The following ZFHX3 variants were observed in gnomAD, a reference collection of about 807,000 sequenced individuals.
ZFHX3 encodes zinc finger homeobox 3.
ZFHX3 carries 42 observed loss-of-function variants against 279.1 expected under a neutral mutation model. The observed-to-expected ratio is 0.15, with a 90% confidence interval of 0.12 to 0.19. ZFHX3 has a LOEUF of 0.19. Among genes scored for constraint, ZFHX3 ranks in the 10% least tolerant of loss-of-function variants. The pLI is 1.00. For synonymous variants in ZFHX3, 2,293 were observed against 1,957.8 expected, an observed-to-expected ratio of 1.17 and a Z score of -4.52; for missense variants, 4,981 against 4,754.0, an observed-to-expected ratio of 1.05 and a Z score of -1.40.
At position 73,022,055 on chromosome 16, in the gene ZFHX3, G is replaced by A. The variant is rs148278060; in HGVS notation, c.-50+25697C>T. Among the ~76,000 whole-genome samples, 837 of 152,058 alleles carry A rather than the reference G, an allele frequency of 5.5e-3. 5 individuals are homozygous for A. Among genetic ancestry groups the A allele is most frequent in the African/African-American group, 0.019 (803 of 41,466 alleles). On this transcript the variant is annotated intron_variant, in intron 1 of 9. Transcript: ENST00000268489. ...CAACTACTGCTCACCCCCTGCCCTCGTCCCGCCTCCTCTCCACAGCATTTA... is the reference window on the plus strand; with the variant it reads ...CAACTACTGCTCACCCCCTGCCCTCATCCCGCCTCCTCTCCACAGCATTTA...
intron 1 of ZFHX3, among the ~76,000 whole-genome samples, chr16:72,967,580 T>C (rs895637605): frequency 6.6e-6 from 1 of 151,988 alleles, no homozygotes; most frequent in African/African-American, 2.4e-5. Flanking sequence ...TTCATCATCA[T>C]CCACTCAGGG....
intron 5 of ZFHX3, among the ~76,000 whole-genome samples, chr16:73,205,644 G>A (rs1039161518): frequency 1.3e-5 from 2 of 152,206 alleles, no homozygotes; most frequent in Non-Finnish European, 2.9e-5. Flanking sequence ...CTGTGAGTGT[G>A]TGTGTGTGCG....
chr16:73,791,857 G>A (rs912635390), intron 1 of ZFHX3, among the ~76,000 whole-genome samples: 2 of 152,174 alleles, frequency 1.3e-5, no homozygotes, highest in Admixed American at 6.5e-5. Flanking sequence ...ATGCTAAATG[G>A]CATAGTATTC....
intron 2 of ZFHX3, chr16:73,499,876 A>T (rs973218627): frequency 1.3e-5 from 2 of 152,230 alleles, no homozygotes; most frequent in Non-Finnish European, 2.9e-5. Context: ...CAGTCACATC[A>T]TAGCTACCAA....
At chr16:73,388,657 A>T (rs2143390171) in intron 3 of ZFHX3, among the ~76,000 whole-genome samples, 1 of 152,244 alleles carries the variant, frequency 6.6e-6, no homozygotes, top group East Asian at 1.9e-4. Flanking sequence ...TCCTCCTGAG[A>T]GTCGAAGACT....
chr16:73,639,234 T>C (rs1334162093), intron 2 of ZFHX3, among the ~76,000 whole-genome samples: 1 of 152,228 alleles, frequency 6.6e-6, no homozygotes, highest in Non-Finnish European at 1.5e-5. Context: ...TTTGCTGCTG[T>C]GGTCCTGTCT....
chr16:72,927,461 G>A (rs766318440), intron 3 of ZFHX3, among the ~76,000 whole-genome samples: 1 of 152,184 alleles, frequency 6.6e-6, no homozygotes, highest in African/African-American at 2.4e-5. Flanking sequence ...TCTGGAATAA[G>A]TCAGTTCTTC....
chr16:72,787,277 C>A lies in ZFHX3; in HGVS notation c.10999G>T (p.Asp3667Tyr), dbSNP rs1290523740. The A allele has an allele frequency of 6.2e-7, 1 of 1,613,902 alleles. No individual in the cohort carries two copies. The highest frequency in any genetic ancestry group is 8.5e-7 in the Non-Finnish European group (1 of 1,180,020). Reference sequence around the variant, plus strand: ...GGTCCGTCGGACTTTTGGCTGAGATCCGTGTCAGACTCCTCCGAATAGTCG... The same window carrying A: ...GGTCCGTCGGACTTTTGGCTGAGATACGTGTCAGACTCCTCCGAATAGTCG... ...TDDYSEESDTDLSQKSDGPAS... is the reference protein window; with the variant it reads ...TDDYSEESDTYLSQKSDGPAS... Residue 3667 changes from aspartate to tyrosine, a missense_variant, in exon 10 of 10, where the codon GAT (aspartate) becomes TAT (tyrosine). Asp to Tyr is a radical substitution (Grantham distance 160). Transcript: ENST00000268489.
At chr16:73,724,148 CT>C (rs2053498795) in intron 1 of ZFHX3, among the ~76,000 whole-genome samples, 1 of 152,150 alleles carries the variant, frequency 6.6e-6, no homozygotes, top group South Asian at 2.1e-4. Flanking sequence ...AATGTCCTTT[CT>C]TTTATGAAAC....
chr16:73,376,814 T>C (rs1250337143), intron 3 of ZFHX3, among the ~76,000 whole-genome samples: 1 of 152,180 alleles, frequency 6.6e-6, no homozygotes, highest in Admixed American at 6.5e-5. Flanking sequence ...TCTGTCTTGA[T>C]AATTATAAAA....
rs187753085 is a variant in ZFHX3 at position 73,518,040 on chromosome 16, A to T, written c.-1546-61782T>A. Among the ~76,000 whole-genome samples, 423 of 152,326 alleles carry T rather than the reference A, an allele frequency of 2.8e-3. 3 individuals carry two copies. Among genetic ancestry groups the T allele is most frequent in the African/African-American group, 9.7e-3 (402 of 41,576 alleles). ...TAATCAACGTAAACAAATTATTGAG[A>T]TGCTAACTTTCTTTGGTGCTAAGTT... is the stretch of plus-strand genomic sequence containing the variant. On this transcript the variant is annotated intron_variant, in intron 2 of 17. Transcript: ENST00000641206.
At chr16:73,803,083 G>A in intron 1 of ZFHX3, among the ~76,000 whole-genome samples, 1 of 152,206 alleles carries the variant, frequency 6.6e-6, no homozygotes, top group African/African-American at 2.4e-5. Flanking sequence ...TTACAGGCAT[G>A]AGCCACCGTA....
At chr16:73,419,726 G>A (rs971942003) in intron 3 of ZFHX3, among the ~76,000 whole-genome samples, 1 of 151,880 alleles carries the variant, frequency 6.6e-6, no homozygotes, top group Non-Finnish European at 1.5e-5. Flanking sequence ...GGGATCATAG[G>A]TGCGCCCCTC....
chr16:73,435,258 G>C (rs1252682613), intron 3 of ZFHX3, among the ~76,000 whole-genome samples: 1 of 152,094 alleles, frequency 6.6e-6, no homozygotes, highest in African/African-American at 2.4e-5. Context: ...ACCTAAGCTG[G>C]AGTGCAGTGA....
intron 2 of ZFHX3, among the ~76,000 whole-genome samples, chr16:72,954,261 T>A (rs375073965): frequency 1.3e-5 from 2 of 151,964 alleles, no homozygotes; most frequent in African/African-American, 4.8e-5. Context: ...TCCCAGCTAC[T>A]CGGAAGGCAG....
intron 8 of ZFHX3, among the ~76,000 whole-genome samples, chr16:73,077,563 A>C (rs1398066879): frequency 6.6e-6 from 1 of 152,180 alleles, no homozygotes. Flanking sequence ...TAGAAAAAAA[A>C]AAAGGCATAT....
chr16:73,769,501 A>C (rs1834075905), intron 1 of ZFHX3, among the ~76,000 whole-genome samples: 1 of 152,216 alleles, frequency 6.6e-6, no homozygotes, highest in East Asian at 1.9e-4. Context: ...CCATTCTTAT[A>C]CAAATTTTAA....
chr16:72,826,335 C>G (rs2036926620), intron 5 of ZFHX3, among the ~76,000 whole-genome samples: 1 of 152,142 alleles, frequency 6.6e-6, no homozygotes, highest in Non-Finnish European at 1.5e-5. Context: ...TGCCAATTAT[C>G]CAGGCCCATC....
At chr16:73,685,531 T>C (rs1361732238) in intron 1 of ZFHX3, among the ~76,000 whole-genome samples, 1 of 152,210 alleles carries the variant, frequency 6.6e-6, no homozygotes, top group East Asian at 1.9e-4. Context: ...CTCTTTATTG[T>C]AGCCCAATGA....
Sources: gnomAD v4.1 joint callset for allele counts (sites outside exome capture counted in the v4.1 genomes callset) on GRCh38, gnomAD v4.1.1 for gene constraint, MANE v1.5 for transcripts, NCBI Gene and HGNC (gene_info 2026-07-23, HGNC 2026-07-21) for gene names.